Variants in C16orf96 observed in about 807,000 individuals in gnomAD.
The protein encoded by C16orf96 is uncharacterized protein C16orf96.
A neutral mutation model predicts 103.6 loss-of-function variants in C16orf96; 108 were observed. The observed-to-expected ratio is 1.04, with a 90% CI of 0.89 to 1.22. C16orf96 has a LOEUF of 1.22. C16orf96 is among the 50% of genes most tolerant of loss of function. The pLI is 0.00. For missense variants in C16orf96, 1,586 were observed against 1,464.2 expected, an observed-to-expected ratio of 1.08 and a Z score of -1.36; for synonymous variants, 566 against 593.5, an observed-to-expected ratio of 0.95 and a Z score of 0.67.
intron 9 of C16orf96, among the ~76,000 whole-genome samples, chr16:4,589,775 G>T (rs981041870): frequency 6.6e-6 from 1 of 152,090 alleles, no homozygotes; most frequent in Non-Finnish European, 1.5e-5. Context: ...ATAATAAAAT[G>T]TTATCACACT....
chr16:4,544,107 G>A, the C16orf96 span, among the ~76,000 whole-genome samples: 1 of 152,154 alleles, frequency 6.6e-6, no homozygotes, highest in Non-Finnish European at 1.5e-5. Flanking sequence ...TAGGCAAAGG[G>A]TTGGTCCCAA....
chr16:4,585,291 CAAAAAAA>C (rs1555506767), intron 7 of C16orf96, among the ~76,000 whole-genome samples: 4 of 17,170 alleles, frequency 2.3e-4, no homozygotes, highest in African/African-American at 3.4e-4. Flanking sequence ...CCTGTCTCTA[CAAAAAAA>C]AAAAAAAAAA....
At chr16:4,569,818 C>T (rs971322873) in intron 1 of C16orf96, among the ~76,000 whole-genome samples, 5 of 152,076 alleles carry the variant, frequency 3.3e-5, no homozygotes, top group Non-Finnish European at 7.4e-5. Context: ...GACCAAAGCA[C>T]GCCCCTTATA....
At chr16:4,573,406 T>C (rs1175840902) in intron 2 of C16orf96, among the ~76,000 whole-genome samples, 1 of 124,126 alleles carries the variant, frequency 8.1e-6, no homozygotes, top group Admixed American at 1.0e-4. Context: ...GCCACTGCAC[T>C]CCAGCCTGGG....
intron 14 of C16orf96, among the ~76,000 whole-genome samples, chr16:4,595,990 C>A (rs527824460): frequency 1.3e-5 from 2 of 152,008 alleles, no homozygotes; most frequent in Non-Finnish European, 2.9e-5. Flanking sequence ...CCTGGCCCAC[C>A]GGCAGAAATT....
At position 4,576,365 on chromosome 16, in the gene C16orf96, T is replaced by TC; in HGVS notation, c.1888dup (p.Arg630ProfsTer12). The stretch of plus-strand genomic sequence containing the variant: ...TGCAGATGTCCTGGGTGCAGGGCCT[T>TC]CCCGGGGAGCCACAGAATCCCAGAT... On this transcript the variant is annotated frameshift_variant, in exon 5 of 16. Transcript: ENST00000444310. LOFTEE classifies it high-confidence loss of function. 2 of 1,550,884 alleles carry TC rather than the reference T, an allele frequency of 1.3e-6. No individual in the cohort carries two copies. The highest frequency in any genetic ancestry group is 1.7e-6 in the Non-Finnish European group (2 of 1,146,992).
rs1897104275 is a variant in C16orf96, at chr16:4,593,381, C to A, written c.2867+65C>A. ...TGGAGGCCACTCTGGAGCCTGGGAA[C>A]CCTGTTCCTGCAGAGACACATCCTC... On this transcript the variant is annotated intron_variant, in intron 12 of 15. Transcript: ENST00000444310. This position sits in a 1 kb window ranked among gnomAD's most constrained non-coding sequence, Gnocchi z 4.2. 4 of 1,434,594 alleles carry A rather than the reference C, an allele frequency of 2.8e-6. No individual in the cohort carries two copies. The South Asian group carries it at 3.7e-5, about 13-fold the overall frequency. 88.9% of individuals were successfully genotyped at this position (1,434,594 alleles called of 1,614,324 possible).
intron 1 of C16orf96, among the ~76,000 whole-genome samples, chr16:4,568,524 C>G (rs929907158): frequency 6.6e-6 from 1 of 152,058 alleles, no homozygotes; most frequent in Non-Finnish European, 1.5e-5. Flanking sequence ...AACCCCTGGG[C>G]TCAAGCCATC....
chr16:4,592,260 C>T (rs1897076416), intron 10 of C16orf96, 45 bp from the exon 11 acceptor site: 2 of 1,550,272 alleles, frequency 1.3e-6, no homozygotes. Context: ...CCACACATGG[C>T]CTGGGCCCAG....
In C16orf96 at chr16:4,594,725, G is replaced by A. The variant is rs757577870; in HGVS notation, c.3049G>A (p.Val1017Met). Residue 1017 changes from valine to methionine, a missense_variant, in exon 14 of 16, where the codon GTG (valine) becomes ATG (methionine). Coordinates refer to ENST00000444310, the MANE Select transcript of C16orf96 (RefSeq NM_001145011.2). ...YDSAEVDILG[V>M]DGILYKGRVN... ...ACAGGCCGAGGTGGACATCCTGGGC[G>A]TGGATGGGATCCTGTACAAAGGCCG... 105 of 1,551,206 alleles carry A rather than the reference G, an allele frequency of 6.8e-5. No homozygotes were observed. Among genetic ancestry groups the A allele is most frequent in the Middle Eastern group, 5.1e-4 (3 of 5,926 alleles).
intron 1 of C16orf96, among the ~76,000 whole-genome samples, chr16:4,558,382 G>A (rs1316010011): frequency 6.6e-6 from 1 of 152,226 alleles, no homozygotes; most frequent in Admixed American, 6.5e-5. Context: ...GGGAGGCCAA[G>A]GCGGGATGAT....
intron 2 of C16orf96, 45 bp downstream of exon 2, chr16:4,571,710 G>T (rs114176089): frequency 1.4e-6 from 2 of 1,394,096 alleles, no homozygotes; most frequent in Admixed American, 5.1e-5. Context: ...CGTTGCTCAG[G>T]CCTCTGGGGG....
At chr16:4,592,127 G>A (rs967552941) in intron 10 of C16orf96, among the ~76,000 whole-genome samples, 178 bp from the exon 11 acceptor site, 7 of 152,202 alleles carry the variant, frequency 4.6e-5, no homozygotes, top group Admixed American at 2.0e-4. Context: ...AAAACCATCC[G>A]TTGTGTTTGG....
chr16:4,591,802 C>G lies in C16orf96; in HGVS notation c.2711+18C>G. The stretch of plus-strand genomic sequence containing the variant: ...TTTAGGAGGTGAGTGCCCGCCCGAG[C>G]CCCTCCTGGTAGGGGTCCTGCTGCC... On this transcript the variant is annotated intron_variant, in intron 10 of 15. Transcript: ENST00000444310. The G allele has an allele frequency of 1.4e-6, 2 of 1,462,674 alleles. No individual in the cohort carries two copies. The highest frequency in any genetic ancestry group is 1.8e-6 in the Non-Finnish European group (2 of 1,092,734). The allele number at this position is 1,462,674 out of a possible 1,614,324, so 90.6% of individuals were successfully genotyped here. A position where few individuals can be genotyped will look rare whatever the true frequency, so the allele number is the denominator to read the frequency against.
At chr16:4,588,024 T>TAGACCCCAGGGTTGC in intron 8 of C16orf96, 143 bp from the exon 9 acceptor site, 1 of 694,710 alleles carries the variant, frequency 1.4e-6, no homozygotes. Flanking sequence ...TGAATCCACG[T>TAGACCCCAGGGTTGC]AGACCCCAGG....
the C16orf96 span, among the ~76,000 whole-genome samples, chr16:4,549,811 C>A: frequency 5.2e-3 from 793 of 151,974 alleles, 7 homozygotes; most frequent in Non-Finnish European, 9.2e-3. Flanking sequence ...TAAAAAGGAG[C>A]CTGGCATCTC....
the C16orf96 span, among the ~76,000 whole-genome samples, chr16:4,545,881 G>A: frequency 1.3e-5 from 2 of 151,718 alleles, no homozygotes; most frequent in African/African-American, 2.4e-5. Context: ...ACAGAATCTC[G>A]CTCTGTTGCC....
At chr16:4,590,690 C>T (rs954175743) in intron 9 of C16orf96, among the ~76,000 whole-genome samples, 8 of 151,498 alleles carry the variant, frequency 5.3e-5, no homozygotes, top group African/African-American at 1.9e-4. Flanking sequence ...TGAGACCAGC[C>T]TGGCCAATAT....
At position 4,574,754 on chromosome 16, in the gene C16orf96, C is replaced by T; in HGVS notation, c.571C>T (p.Gln191Ter). ...MDIFAEDFKI[Q>*]NWKMVALQRE... ...CATCTTTGCTGAAGACTTCAAAATA[C>T]AGAACTGGAAGATGGTTGCACTGCA... Residue 191 changes from glutamine to a stop codon, truncating the protein, a stop_gained, in exon 3 of 16, where the codon CAG becomes TAG. Transcript: ENST00000444310. LOFTEE classifies it high-confidence loss of function. The T allele has an allele frequency of 1.3e-6, 2 of 1,551,888 alleles. No individual in the cohort carries two copies. Among genetic ancestry groups the T allele is most frequent in the Non-Finnish European group, 1.7e-6 (2 of 1,147,094 alleles).
Sources: allele counts gnomAD v4.1 joint callset (sites outside exome capture counted in the v4.1 genomes callset), GRCh38; gene constraint gnomAD v4.1.1; non-coding constraint Gnocchi (gnomAD v3.1); transcripts MANE v1.5; gene names NCBI Gene and HGNC (gene_info 2026-07-23, HGNC 2026-07-21).